The following ADCY7 variants were observed in gnomAD, a reference collection of about 807,000 sequenced individuals.
The protein encoded by ADCY7 is adenylate cyclase 7.
A neutral mutation model predicts 120.6 loss-of-function variants in ADCY7; 72 were observed. That is an observed-to-expected ratio of 0.60 (90% confidence interval 0.49 to 0.73). ADCY7 has a LOEUF of 0.73. Among genes scored for constraint, ADCY7 ranks in the 30% least tolerant of loss-of-function variants. ADCY7 has a pLI of 0.00. For synonymous variants in ADCY7, 661 were observed against 628.0 expected (o/e 1.05, Z -0.78); for missense variants, 1,227 against 1,486.0 (o/e 0.83, Z 2.87).
intron 1 of ADCY7, among the ~76,000 whole-genome samples, chr16:50,274,466 G>T (rs1281667731): frequency 6.7e-6 from 1 of 149,782 alleles, no homozygotes; most frequent in African/African-American, 2.4e-5. Context: ...GCTGGGTGGG[G>T]CTGCTTCCCC....
intron 1 of ADCY7, among the ~76,000 whole-genome samples, chr16:50,246,640 C>T (rs1490983852): frequency 6.6e-6 from 1 of 152,206 alleles, no homozygotes; most frequent in Non-Finnish European, 1.5e-5. Flanking sequence ...GGCGCAGGAC[C>T]GGGCTGTGGG....
intron 7 of ADCY7, 132 bp from the exon 8 acceptor site, chr16:50,298,772 G>C: frequency 7.5e-7 from 1 of 1,328,898 alleles, no homozygotes. Context: ...GGCTCCTGGT[G>C]ACTGGACCCC....
At chr16:50,312,742 A>T (rs2036556302) in intron 21 of ADCY7, 148 bp from the exon 22 acceptor site, 3 of 760,088 alleles carry the variant, frequency 3.9e-6, no homozygotes, top group East Asian at 5.4e-5. Context: ...AACAGCCACC[A>T]GATGAAACTC....
At chr16:50,248,807 G>A (rs2032667218) in intron 1 of ADCY7, among the ~76,000 whole-genome samples, 1 of 152,188 alleles carries the variant, frequency 6.6e-6, no homozygotes, top group Admixed American at 6.5e-5. Flanking sequence ...GATATCACGT[G>A]GTGAGGTTCC....
chr16:50,270,213 A>AGATAGATAGAT (rs2033470403), intron 1 of ADCY7, among the ~76,000 whole-genome samples: 1 of 152,052 alleles, frequency 6.6e-6, no homozygotes, highest in Non-Finnish European at 1.5e-5. Flanking sequence ...ATAGATAGAT[A>AGATAGATAGAT]GATAGATAGA....
At position 50,248,224 on chromosome 16, in the gene ADCY7, C is replaced by T. The variant is rs533464400; in HGVS notation, c.-64+2021C>T. Among the ~76,000 whole-genome samples, 82 of 152,314 alleles carry T rather than the reference C, an allele frequency of 5.4e-4. 1 individual carries two copies. Among genetic ancestry groups the T allele is most frequent in the Admixed American group, 1.6e-3 (25 of 15,300 alleles). ...CAGCACACATTCCCTGCCCTTGCCCCGCCCACCTCTCCCTCTTCCTGTTCG... is the reference window on the plus strand; with the variant it reads ...CAGCACACATTCCCTGCCCTTGCCCTGCCCACCTCTCCCTCTTCCTGTTCG... On this transcript the variant is annotated intron_variant, in intron 1 of 4. Transcript: ENST00000564044.
intron 18 of ADCY7, chr16:50,310,451 C>T (rs1414979762): frequency 3.9e-6 from 6 of 1,535,974 alleles, no homozygotes; most frequent in South Asian, 1.2e-5. Flanking sequence ...GTTGTATCCA[C>T]AGCACCTGCA....
In ADCY7 at chr16:50,308,651, C is replaced by A; in HGVS notation, c.1936-16C>A. 1 of 1,604,018 alleles carries A rather than the reference C, an allele frequency of 6.2e-7. No homozygotes were observed. The highest frequency in any genetic ancestry group is 8.5e-7 in the Non-Finnish European group (1 of 1,174,698). ...AGGCTGTTGGCTCTGGGTGACTTGA[C>A]CCTGTTACCCCACAGAGGTGCTGCC... On this transcript the variant is annotated splice_polypyrimidine_tract_variant and intron_variant, in intron 16 of 25. Transcript: ENST00000673801.
chr16:50,310,406 C>G (rs1231311826), intron 18 of ADCY7: 1 of 1,496,122 alleles, frequency 6.7e-7, no homozygotes, highest in Non-Finnish European at 9.0e-7. Flanking sequence ...AGCTTGGATG[C>G]ATGCACGCTC....
upstream of ADCY7, chr16:50,266,431 G>C (rs921535673): frequency 1.3e-5 from 2 of 153,600 alleles, no homozygotes; most frequent in African/African-American, 2.4e-5. Context: ...CACTGTGGCT[G>C]GGGGAGGGGG....
chr16:50,312,927 T>C lies in ADCY7; in HGVS notation c.2642T>C (p.Met881Thr). The C allele has an allele frequency of 6.2e-6, 10 of 1,614,208 alleles. No individual in the cohort carries two copies. The highest frequency in any genetic ancestry group is 5.5e-5 in the South Asian group (5 of 91,084). Reference protein sequence around the residue: ...YHQSYDCVCVMFASVPDFKVF... With the variant: ...YHQSYDCVCVTFASVPDFKVF... The stretch of plus-strand genomic sequence containing the variant: ...CAGTCCTATGACTGCGTCTGTGTCA[T>C]GTTTGCCTCCGTGCCGGACTTCAAA... Residue 881 changes from methionine to threonine, a missense_variant, in exon 22 of 26, where the codon ATG becomes ACG. Transcript: ENST00000673801.
At chr16:50,251,274 G>A (rs1315539681) in intron 1 of ADCY7, among the ~76,000 whole-genome samples, 1 of 152,088 alleles carries the variant, frequency 6.6e-6, no homozygotes, top group Non-Finnish European at 1.5e-5. Context: ...AAAAAAGCCT[G>A]TCTTATGAGA....
chr16:50,310,385 C>G (rs1275529873), intron 18 of ADCY7: 3 of 1,413,588 alleles, frequency 2.1e-6, no homozygotes, highest in Non-Finnish European at 1.9e-6. Flanking sequence ...CTCACAAAAA[C>G]TCAGGGAGGC....
At chr16:50,271,490 T>C (rs2033568480) in intron 1 of ADCY7, among the ~76,000 whole-genome samples, 1 of 152,178 alleles carries the variant, frequency 6.6e-6, no homozygotes, top group South Asian at 2.1e-4. Context: ...GAGCAGACTC[T>C]GTGTTAGGAT....
chr16:50,294,204 G>A (rs8056293), intron 6 of ADCY7, among the ~76,000 whole-genome samples: 2 of 152,124 alleles, frequency 1.3e-5, no homozygotes, highest in South Asian at 4.1e-4. Flanking sequence ...ACGGGAGTTC[G>A]GCAAGGGCTG....
In ADCY7 at chr16:50,304,312, C is replaced by G. The variant is rs2035919759; in HGVS notation, c.1369-48C>G. ...ATGGGGATGGCGGCCCCTTCCTGGG[C>G]CGAGAGGGGAGGAGGTGGCACAGGC... On this transcript the variant is annotated intron_variant, in intron 10 of 25. Transcript: ENST00000673801. 5.1e-6 allele frequency: 7 copies of G among 1,378,434 alleles called. No homozygotes were observed. The East Asian group carries it at 1.9e-4, about 37-fold the overall frequency. The allele number at this position is 1,378,434 out of a possible 1,614,324, so 85.4% of individuals were successfully genotyped here.
At chr16:50,266,013 G>A (rs1282973276), upstream of ADCY7, among the ~76,000 whole-genome samples, 1 of 152,212 alleles carries the variant, frequency 6.6e-6, no homozygotes, top group Non-Finnish European at 1.5e-5. Context: ...GGAGCCCCAA[G>A]GATGGGCCTG....
upstream of ADCY7, among the ~76,000 whole-genome samples, chr16:50,245,122 G>A (rs1421942241): frequency 1.3e-5 from 2 of 152,218 alleles, no homozygotes; most frequent in Admixed American, 6.5e-5. Context: ...AGGGTGAGCC[G>A]GGGTAGCAGG....
chr16:50,294,826 C>A, intron 7 of ADCY7, 75 bp downstream of exon 7: 1 of 1,015,864 alleles, frequency 9.8e-7, no homozygotes. Flanking sequence ...GTCCTGTGTT[C>A]AGTGCCCTGC....
Sources: gnomAD v4.1 joint callset for allele counts (sites outside exome capture counted in the v4.1 genomes callset) on GRCh38, gnomAD v4.1.1 for gene constraint, MANE v1.5 for transcripts, NCBI Gene and HGNC (gene_info 2026-07-23, HGNC 2026-07-21) for gene names.